The following SLC2A9 variants were observed in gnomAD, a reference collection of about 807,000 sequenced individuals.
SLC2A9 encodes the protein solute carrier family 2, facilitated glucose transporter member 9.
SLC2A9 carries 39 observed loss-of-function variants against 50.6 expected under a neutral mutation model. That is an observed-to-expected ratio of 0.77 (90% CI 0.60 to 1.01). SLC2A9 has a LOEUF of 1.01. Among genes scored for constraint, SLC2A9 ranks in the 50% least tolerant of loss-of-function variants. The pLI is 0.00. For missense variants in SLC2A9, 686 were observed against 677.6 expected, an observed-to-expected ratio of 1.01 and a Z score of -0.14; for synonymous variants, 324 against 276.9, an observed-to-expected ratio of 1.17 and a Z score of -1.69.
intron 1 of SLC2A9, among the ~76,000 whole-genome samples, chr4:9,772,082 G>A (rs572833385): frequency 6.6e-6 from 1 of 152,308 alleles, no homozygotes; most frequent in South Asian, 2.1e-4. Context: ...GAATCATAGG[G>A]AGTATGAAGA....
intron 11 of SLC2A9, among the ~76,000 whole-genome samples, chr4:9,828,300 G>A: frequency 6.6e-6 from 1 of 152,146 alleles, no homozygotes; most frequent in East Asian, 1.9e-4. Context: ...CCACCATCAT[G>A]TTTTGCTTGG....
At chr4:9,997,058 A>G in intron 2 of SLC2A9, 117 bp from the exon 3 acceptor site, 1 of 1,217,816 alleles carries the variant, frequency 8.2e-7, no homozygotes. Context: ...GCACTTTGCT[A>G]ATTTGTTTGA....
rs566150521 is a variant in SLC2A9, at chr4:9,838,171, G to A, written c.1292-3163C>T. On this transcript the variant is annotated intron_variant, in intron 10 of 11. Coordinates refer to ENST00000264784, the MANE Select transcript of SLC2A9 (RefSeq NM_020041.3). ...GAGTTAGCTGAAGCTAAGAGAAGGG[G>A]AGTAATATATGCAAGGTTTCTTAGC... Among the ~76,000 whole-genome samples, 43 of 152,244 alleles carry A rather than the reference G, an allele frequency of 2.8e-4. 2 individuals carry two copies. The South Asian group carries it at 5.8e-3, about 21-fold the overall frequency.
intron 3 of SLC2A9, among the ~76,000 whole-genome samples, chr4:9,818,641 A>G (rs1723965439): frequency 6.6e-6 from 1 of 152,232 alleles, no homozygotes; most frequent in African/African-American, 2.4e-5. Context: ...GGCCAAGGCC[A>G]AGGCCTAGTG....
chr4:9,931,985 T>TATATATATATATATACAC (rs1553879027), intron 6 of SLC2A9, among the ~76,000 whole-genome samples: 8 of 95,684 alleles, frequency 8.4e-5, no homozygotes, highest in Admixed American at 3.9e-4. Context: ...TATATATATA[T>TATATATATATATATACAC]ATATATATAT....
chr4:9,905,320 C>A (rs1214438758), intron 8 of SLC2A9, among the ~76,000 whole-genome samples: 1 of 152,246 alleles, frequency 6.6e-6, no homozygotes, highest in Non-Finnish European at 1.5e-5. Context: ...ACTGTGAGCT[C>A]CTACAGGCAG....
At chr4:9,866,255 A>C (rs1376592958) in intron 10 of SLC2A9, among the ~76,000 whole-genome samples, 1 of 151,716 alleles carries the variant, frequency 6.6e-6, no homozygotes, top group African/African-American at 2.4e-5. Context: ...TATTATTATT[A>C]TTGAAAGATC....
chr4:9,835,380 G>A (rs1726870940), intron 10 of SLC2A9, among the ~76,000 whole-genome samples: 1 of 151,950 alleles, frequency 6.6e-6, no homozygotes, highest in Non-Finnish European at 1.5e-5. Context: ...CCCAGACCAG[G>A]ACCTAGGGCT....
At chr4:9,813,799 A>G (rs867874212) in intron 3 of SLC2A9, among the ~76,000 whole-genome samples, 1 of 152,094 alleles carries the variant, frequency 6.6e-6, no homozygotes, top group African/African-American at 2.4e-5. Context: ...TCAGCATAGT[A>G]ATTAAGAATG....
rs948351481 is a variant in SLC2A9 at position 10,021,380 on chromosome 4, A to C, written c.50T>G (p.Leu17Arg). 2.6e-5 allele frequency: 42 copies of C among 1,614,036 alleles called. No homozygotes were observed. The highest frequency in any genetic ancestry group is 3.5e-5 in the Non-Finnish European group (41 of 1,180,014). ...RNSKELGLVP[L>R]TDDTSHAGPP... ...CCCGGCGTGGCTGGTGTCATCTGTGAGGGGAACTAGGCCCAGTTCCTTGGA... is the reference window on the plus strand; with the variant it reads ...CCCGGCGTGGCTGGTGTCATCTGTGCGGGGAACTAGGCCCAGTTCCTTGGA... Residue 17 changes from leucine (L) to arginine (R), a missense_variant, in exon 1 of 12, where the codon CTC becomes CGC. Coordinates refer to ENST00000264784, the MANE Select transcript of SLC2A9 (RefSeq NM_020041.3).
chr4:9,787,446 C>T (rs1719364103), intron 3 of SLC2A9, among the ~76,000 whole-genome samples: 3 of 152,212 alleles, frequency 2.0e-5, no homozygotes, highest in Admixed American at 2.0e-4. Flanking sequence ...CCAGATCCCC[C>T]AAACATCAAT....
chr4:9,942,988 C>T (rs1748462715), intron 5 of SLC2A9, among the ~76,000 whole-genome samples: 1 of 152,228 alleles, frequency 6.6e-6, no homozygotes, highest in Non-Finnish European at 1.5e-5. Flanking sequence ...ACATGATAGG[C>T]AGAGGTTCTG....
chr4:9,971,731 G>C (rs1753936120), intron 5 of SLC2A9, among the ~76,000 whole-genome samples: 1 of 152,152 alleles, frequency 6.6e-6, no homozygotes, highest in Non-Finnish European at 1.5e-5. Context: ...AAAGTCACCT[G>C]TGTTAAAAAG....
At chr4:9,942,435 A>T (rs567933996) in intron 5 of SLC2A9, among the ~76,000 whole-genome samples, 2 of 152,224 alleles carry the variant, frequency 1.3e-5, no homozygotes, top group South Asian at 4.2e-4. Context: ...CCAAGAATGG[A>T]GCCTGCATGT....
At position 9,793,890 on chromosome 4, in the gene SLC2A9, C is replaced by A. The variant is rs190879316; in HGVS notation, n.386-13825G>T. ...AATTTAAGCAACTTTCTGTCCCTCT[C>A]TCCCCTGCTATTCTGGTAAAATGAT... On this transcript the variant is annotated intron_variant and non_coding_transcript_variant, in intron 3 of 3. Coordinates refer to the SLC2A9 transcript ENST00000503803. Among the ~76,000 whole-genome samples, 48 of 152,322 alleles carry A rather than the reference C, an allele frequency of 3.2e-4. No homozygotes were observed. In the East Asian group the frequency reaches 8.7e-3, roughly 28 times the overall value.
chr4:9,986,288 G>C (rs1479471248), intron 3 of SLC2A9, among the ~76,000 whole-genome samples: 1 of 152,208 alleles, frequency 6.6e-6, no homozygotes, highest in African/African-American at 2.4e-5. Flanking sequence ...AGACCTTTGA[G>C]AGTGGGCACT....
At chr4:9,892,009 A>G (rs537279539) in intron 8 of SLC2A9, among the ~76,000 whole-genome samples, 3 of 152,318 alleles carry the variant, frequency 2.0e-5, no homozygotes, top group South Asian at 2.1e-4. Context: ...TTTCTCCACA[A>G]TGGAACCCAG....
intron 10 of SLC2A9, among the ~76,000 whole-genome samples, chr4:9,868,114 C>T (rs62293270): frequency 6.6e-6 from 1 of 152,294 alleles, no homozygotes; most frequent in South Asian, 2.1e-4. Flanking sequence ...GGGATAGTCC[C>T]ATGCCCTCCT....
At chr4:9,968,973 G>C (rs1000395364) in intron 5 of SLC2A9, among the ~76,000 whole-genome samples, 22 of 152,016 alleles carry the variant, frequency 1.4e-4, no homozygotes, top group African/African-American at 4.3e-4. Context: ...ACAGTGCCCT[G>C]TGATACTGTT....
Sources: allele counts gnomAD v4.1 joint callset (sites outside exome capture counted in the v4.1 genomes callset), GRCh38; gene constraint gnomAD v4.1.1; transcripts MANE v1.5; gene names NCBI Gene and HGNC (gene_info 2026-07-23, HGNC 2026-07-21).